The following MACROD2 variants were observed in gnomAD, a reference collection of about 807,000 sequenced individuals.
MACROD2 encodes ADP-ribose glycohydrolase MACROD2.
MACROD2 carries 36 observed loss-of-function variants against 70.4 expected under a neutral mutation model. The ratio of observed to expected loss-of-function variants is 0.51; its 90% CI spans 0.39 to 0.68. The LOEUF is 0.68. Ranked by LOEUF, MACROD2 falls within the 30% of genes least tolerant of loss-of-function variation. MACROD2 has a pLI of 0.00. For synonymous variants in MACROD2, 172 were observed against 178.8 expected, an observed-to-expected ratio of 0.96 and a Z score of 0.30; for missense variants, 496 against 538.4, an observed-to-expected ratio of 0.92 and a Z score of 0.78.
intron 5 of MACROD2, among the ~76,000 whole-genome samples, chr20:14,861,526 C>G (rs1159273916): frequency 1.3e-5 from 2 of 151,970 alleles, no homozygotes; most frequent in Non-Finnish European, 2.9e-5. Context: ...CCTGCTGATG[C>G]CTCCAATTAG....
At chr20:14,420,143 A>ATT (rs2083858417) in intron 3 of MACROD2, among the ~76,000 whole-genome samples, 1 of 134,786 alleles carries the variant, frequency 7.4e-6, no homozygotes, top group Non-Finnish European at 1.7e-5. Context: ...CTCTGTCCTA[A>ATT]TTATATATAT....
At chr20:14,966,288 C>G (rs186766190) in intron 5 of MACROD2, among the ~76,000 whole-genome samples, 25 of 152,242 alleles carry the variant, frequency 1.6e-4, no homozygotes, top group Non-Finnish European at 4.4e-5. Context: ...ACTTGTGTAA[C>G]CACCTCCGAT....
intron 3 of MACROD2, chr20:14,128,329 TA>T: frequency 6.0e-6 from 1 of 165,944 alleles, no homozygotes; most frequent in Non-Finnish European, 1.3e-5. Context: ...AACAGTGGAA[TA>T]AAATAAAACA....
chr20:15,253,885 A>G (rs2077176494), intron 6 of MACROD2, among the ~76,000 whole-genome samples: 1 of 152,238 alleles, frequency 6.6e-6, no homozygotes, highest in African/African-American at 2.4e-5. Context: ...ATTATTTTTT[A>G]TCAAGGCATA....
chr20:14,144,003 C>CT (rs903742709), intron 3 of MACROD2, among the ~76,000 whole-genome samples: 1 of 151,774 alleles, frequency 6.6e-6, no homozygotes. Flanking sequence ...ATCTGATTGA[C>CT]TTTTTTTTCT....
chr20:14,667,287 A>G (rs1283683647), intron 4 of MACROD2, among the ~76,000 whole-genome samples: 1 of 152,190 alleles, frequency 6.6e-6, no homozygotes, highest in East Asian at 1.9e-4. Flanking sequence ...ATAAATCTTG[A>G]TGTCTCCTAA....
Position 14,943,954 on chromosome 20 carries a change from A to C in MACROD2, c.418+258995A>C, listed in dbSNP as rs75048734. ...TTTTTATTGTTGTCTTAAGGTTATC[A>C]CCATTCAGTAATTTTACTATCATAT... On this transcript the variant is annotated intron_variant, in intron 5 of 17. Transcript: ENST00000684519. Among the ~76,000 whole-genome samples, 632 of 152,262 alleles carry C rather than the reference A, an allele frequency of 4.2e-3. 4 individuals are homozygous for C. The highest frequency in any genetic ancestry group is 7.1e-3 in the Non-Finnish European group (486 of 68,016).
intron 3 of MACROD2, among the ~76,000 whole-genome samples, chr20:14,210,908 G>C (rs753692783): frequency 1.4e-4 from 21 of 152,154 alleles, no homozygotes; most frequent in South Asian, 6.2e-4. Flanking sequence ...TTAACGCTGA[G>C]AACACCAAGT....
At chr20:14,370,447 C>A (rs1363111869) in intron 3 of MACROD2, among the ~76,000 whole-genome samples, 1 of 151,984 alleles carries the variant, frequency 6.6e-6, no homozygotes, top group Non-Finnish European at 1.5e-5. Context: ...TTTCTTTTAT[C>A]CTTCTTTTTT....
At chr20:15,133,630 G>C (rs4239714) in intron 5 of MACROD2, among the ~76,000 whole-genome samples, 1 of 151,962 alleles carries the variant, frequency 6.6e-6, no homozygotes, top group African/African-American at 2.4e-5. Context: ...TGGTCATACT[G>C]TTTGACCAAA....
chr20:14,587,337 A>G (rs1398951288), intron 4 of MACROD2, among the ~76,000 whole-genome samples: 6 of 151,686 alleles, frequency 4.0e-5, no homozygotes, highest in Non-Finnish European at 8.9e-5. Context: ...CTTGTGAACT[A>G]TTATATTGTC....
At chr20:14,797,521 C>T (rs1405820731) in intron 5 of MACROD2, among the ~76,000 whole-genome samples, 1 of 151,974 alleles carries the variant, frequency 6.6e-6, no homozygotes, top group African/African-American at 2.4e-5. Context: ...CCTGCTGTCC[C>T]ATCTGCTAAG....
intron 5 of MACROD2, among the ~76,000 whole-genome samples, chr20:14,686,920 T>C (rs2071009654): frequency 6.6e-6 from 1 of 152,206 alleles, no homozygotes; most frequent in South Asian, 2.1e-4. Context: ...ACTTGGAATA[T>C]GTACTTGTGT....
chr20:14,097,716 G>T (rs1569157708), intron 3 of MACROD2, among the ~76,000 whole-genome samples: 1 of 152,136 alleles, frequency 6.6e-6, no homozygotes, highest in African/African-American at 2.4e-5. Flanking sequence ...AAGTGTTTCA[G>T]ATTTTTTTTG....
At chr20:14,233,528 TAA>T (rs71190121) in intron 3 of MACROD2, among the ~76,000 whole-genome samples, 231 of 143,716 alleles carry the variant, frequency 1.6e-3, no homozygotes, top group Middle Eastern at 3.6e-3. Context: ...CCGTCTCTAC[TAA>T]AAAAAAAAAA....
chr20:15,937,045 G>T (rs2065675013), intron 11 of MACROD2, among the ~76,000 whole-genome samples: 1 of 152,128 alleles, frequency 6.6e-6, no homozygotes, highest in African/African-American at 2.4e-5. Flanking sequence ...TGACAGCCTG[G>T]CATAATGGAG....
chr20:14,273,860 C>G, intron 3 of MACROD2, among the ~76,000 whole-genome samples: 1 of 152,070 alleles, frequency 6.6e-6, no homozygotes, highest in Non-Finnish European at 1.5e-5. Context: ...GAGAATACTA[C>G]AAACACCTCT....
At chr20:15,505,087 T>G (rs1020379864) in intron 8 of MACROD2, among the ~76,000 whole-genome samples, 2 of 152,198 alleles carry the variant, frequency 1.3e-5, no homozygotes, top group African/African-American at 4.8e-5. Context: ...TATTGGTCTC[T>G]GAGACAATGC....
chr20:15,513,140 A>T (rs1440039649), intron 8 of MACROD2, among the ~76,000 whole-genome samples: 2 of 152,226 alleles, frequency 1.3e-5, no homozygotes, highest in Non-Finnish European at 2.9e-5. Flanking sequence ...TTTGTAACTT[A>T]TTAGATGTCT....
Sources: allele counts gnomAD v4.1 joint callset (sites outside exome capture counted in the v4.1 genomes callset), GRCh38; gene constraint gnomAD v4.1.1; transcripts MANE v1.5; gene names NCBI Gene and HGNC (gene_info 2026-07-23, HGNC 2026-07-21).